LRRK2: variants seen among roughly 807,000 people sequenced by gnomAD.
LRRK2 encodes the protein leucine-rich repeat serine/threonine-protein kinase 2.
LRRK2 carries 203 observed loss-of-function variants against 302.6 expected under a neutral mutation model. That is an observed-to-expected ratio of 0.67 (90% CI 0.60 to 0.75). LRRK2 has a LOEUF of 0.75. Among genes scored for constraint, LRRK2 ranks in the 30% least tolerant of loss-of-function variants. The pLI is 0.00. For missense variants in LRRK2, 2,830 were observed against 2,951.0 expected (o/e 0.96, Z 0.95); for synonymous variants, 1,066 against 1,031.9 (o/e 1.03, Z -0.63).
intron 47 of LRRK2, among the ~76,000 whole-genome samples, chr12:40,361,659 T>G (rs1946712399): frequency 6.6e-6 from 1 of 152,114 alleles, no homozygotes; most frequent in South Asian, 2.1e-4. Flanking sequence ...ATAGATGCTT[T>G]ACTAGAGAGC....
Position 40,347,253 on chromosome 12 carries a change from C to T in LRRK2, c.6280+330C>T, listed in dbSNP as rs866737342. ...TGTACTCATTATCCTGGAATGTTTT[C>T]GTTTTCTTGGAGTGAAATAATTTAC... is the stretch of plus-strand genomic sequence containing the variant. On this transcript the variant is annotated intron_variant, in intron 42 of 50. Coordinates refer to ENST00000298910, the MANE Select transcript of LRRK2 (RefSeq NM_198578.4). 4.6e-5 allele frequency among the ~76,000 whole-genome samples: 7 copies of T among 152,106 alleles called. No homozygotes were observed. The South Asian group carries it at 1.2e-3, about 27-fold the overall frequency.
intron 41 of LRRK2, among the ~76,000 whole-genome samples, chr12:40,340,841 A>G (rs966779375): frequency 1.3e-5 from 2 of 152,202 alleles, no homozygotes; most frequent in Admixed American, 6.5e-5. Flanking sequence ...ATAATTCTGA[A>G]ACCCAAAGAA....
intron 4 of LRRK2, among the ~76,000 whole-genome samples, chr12:40,236,242 G>T (rs947189674): frequency 6.6e-6 from 1 of 152,088 alleles, no homozygotes; most frequent in Admixed American, 6.6e-5. Flanking sequence ...TAGATGCCAG[G>T]CTTCACAAGT....
rs542882312 is a variant in LRRK2 at position 40,226,764 on chromosome 12, T to C, written c.237+1124T>C. Among the ~76,000 whole-genome samples the C allele has an allele frequency of 3.9e-4, 59 of 152,324 alleles. 1 individual carries two copies. The South Asian group carries it at 0.012, about 30-fold the overall frequency. On this transcript the variant is annotated intron_variant, in intron 2 of 50. Transcript: ENST00000298910. ...GTTCTTTTAAGACTCAAAGTCGGAA[T>C]TTTGCCTGTGGAATATGAGTCACTT...
At chr12:40,282,919 G>A (rs191593279) in intron 18 of LRRK2, among the ~76,000 whole-genome samples, 1 of 152,172 alleles carries the variant, frequency 6.6e-6, no homozygotes, top group Admixed American at 6.5e-5. Context: ...AGGTTTTGAA[G>A]CCAGCAGATT....
intron 10 of LRRK2, among the ~76,000 whole-genome samples, chr12:40,251,867 A>G (rs2136480931): frequency 6.6e-6 from 1 of 152,300 alleles, no homozygotes; most frequent in South Asian, 2.1e-4. Flanking sequence ...GGTGATAGAA[A>G]TTGCAGAGCC....
intron 38 of LRRK2, 24 bp from the exon 39 acceptor site, chr12:40,328,334 AGT>A (rs751212647): frequency 4.8e-5 from 76 of 1,581,332 alleles, no homozygotes; most frequent in Non-Finnish European, 6.6e-5. Flanking sequence ...GCTTAATTTA[AGT>A]GCTTTGTATT....
chr12:40,277,400 C>A (rs1370966499), intron 16 of LRRK2, among the ~76,000 whole-genome samples: 1 of 152,188 alleles, frequency 6.6e-6, no homozygotes, highest in African/African-American at 2.4e-5. Flanking sequence ...TAGGAGTCCA[C>A]ACTAGCCTTT....
At chr12:40,330,247 AT>A (rs1945675427) in intron 39 of LRRK2, among the ~76,000 whole-genome samples, 1 of 152,166 alleles carries the variant, frequency 6.6e-6, no homozygotes, top group Non-Finnish European at 1.5e-5. Flanking sequence ...CATGTTAAAA[AT>A]ATCTTAGTTT....
At chr12:40,289,834 A>G (rs1367138129) in intron 20 of LRRK2, among the ~76,000 whole-genome samples, 3 of 151,896 alleles carry the variant, frequency 2.0e-5, no homozygotes, top group Non-Finnish European at 4.4e-5. Flanking sequence ...ACCTTATTAT[A>G]GATTCTACAG....
At chr12:40,245,373 C>T (rs1332590838) in intron 7 of LRRK2, among the ~76,000 whole-genome samples, 1 of 151,954 alleles carries the variant, frequency 6.6e-6, no homozygotes, top group Non-Finnish European at 1.5e-5. Flanking sequence ...CTGTCCTTGG[C>T]GTTCTGTTGC....
chr12:40,281,024 C>T (rs1395428729), intron 18 of LRRK2, among the ~76,000 whole-genome samples: 6 of 149,792 alleles, frequency 4.0e-5, no homozygotes, highest in South Asian at 2.2e-4. Context: ...GCCTAGATCG[C>T]GCCACTGCAC....
intron 46 of LRRK2, among the ~76,000 whole-genome samples, chr12:40,357,363 CTTT>C (rs77689380): frequency 1.3e-5 from 2 of 151,700 alleles, no homozygotes; most frequent in South Asian, 2.1e-4. Context: ...GTTGATTCCA[CTTT>C]TTTTTTTAGC....
intron 2 of LRRK2, 40 bp from the exon 3 acceptor site, chr12:40,232,234 T>G: frequency 7.0e-7 from 1 of 1,419,996 alleles, no homozygotes; most frequent in Non-Finnish European, 1.0e-6. Flanking sequence ...TCTATTAACA[T>G]TCTTTAAAAC....
rs750861331 is a variant in LRRK2 at position 40,263,851 on chromosome 12, C to A, written c.1606C>A (p.Gln536Lys). 1.1e-5 allele frequency: 18 copies of A among 1,613,012 alleles called. No homozygotes were observed. In the East Asian group the frequency reaches 3.8e-4, roughly 34 times the overall value. The change falls in exon 14 of 51, where the codon CAG (glutamine) becomes AAG (lysine). Residue 536 changes from glutamine to lysine, a missense_variant. Transcript: ENST00000298910. ...TCATAAGCTAAATATGGTTAAAAAA[C>A]AGTGTTTCAAGAATGATATTCACAA... Reference protein sequence around the residue: ...FHHKLNMVKKQCFKNDIHKLV... With the variant: ...FHHKLNMVKKKCFKNDIHKLV...
In LRRK2 at chr12:40,309,377, G is replaced by A. The variant is rs11564206; in HGVS notation, c.4317+144G>A. On this transcript the variant is annotated intron_variant, in intron 30 of 50. Coordinates refer to ENST00000298910, the MANE Select transcript of LRRK2 (RefSeq NM_198578.4). ...TTCTTAAAAGAAGCACTAAAATTTT[G>A]AATTGGGAAACTTTCCGAGTAATGA... is the stretch of plus-strand genomic sequence containing the variant. The A allele has an allele frequency of 2.1e-3, 2,285 of 1,083,392 alleles. 59 individuals are homozygous for A. The South Asian group carries it at 0.034, about 16-fold the overall frequency. The allele number at this position is 1,083,392 out of a possible 1,614,324, so 67.1% of individuals were successfully genotyped here.
intron 33 of LRRK2, among the ~76,000 whole-genome samples, chr12:40,316,011 C>T (rs985571176): frequency 2.6e-5 from 4 of 151,800 alleles, no homozygotes; most frequent in Non-Finnish European, 4.4e-5. Context: ...ATATTCGAGA[C>T]GTAAGTAGTA....
intron 43 of LRRK2, 84 bp from the exon 44 acceptor site, chr12:40,351,455 A>T: frequency 7.4e-7 from 1 of 1,351,954 alleles, no homozygotes; most frequent in Non-Finnish European, 1.0e-6. Context: ...TGACAGAGCT[A>T]TAACACTTCA....
At chr12:40,312,010 T>C (rs1022004510) in intron 31 of LRRK2, among the ~76,000 whole-genome samples, 4 of 152,104 alleles carry the variant, frequency 2.6e-5, no homozygotes, top group Admixed American at 6.6e-5. Flanking sequence ...ACTTTGTTGT[T>C]ACTGAGAATA....
Sources: gnomAD v4.1 joint callset for allele counts (sites outside exome capture counted in the v4.1 genomes callset) on GRCh38, gnomAD v4.1.1 for gene constraint, MANE v1.5 for transcripts, NCBI Gene and HGNC (gene_info 2026-07-23, HGNC 2026-07-21) for gene names.